ADD3: variants seen among roughly 807,000 people sequenced by gnomAD.
ADD3 encodes adducin 3.
Under a neutral mutation model 80.2 loss-of-function variants are expected in ADD3, and 25 were observed. The ratio of observed to expected loss-of-function variants is 0.31; its 90% CI spans 0.23 to 0.44. The LOEUF (loss-of-function observed/expected upper bound fraction) is 0.44, where lower values mean the gene tolerates loss of function less well. ADD3 is among the 20% of genes least tolerant of loss of function. ADD3 has a pLI of 1.00. For missense variants in ADD3, 829 were observed against 847.5 expected, an observed-to-expected ratio of 0.98 and a Z score of 0.27; for synonymous variants, 284 against 289.6, an observed-to-expected ratio of 0.98 and a Z score of 0.20.
chr10:109,999,301 A>C (rs933926073), intron 1 of ADD3, among the ~76,000 whole-genome samples: 1 of 152,192 alleles, frequency 6.6e-6, no homozygotes, highest in African/African-American at 2.4e-5. Flanking sequence ...GTGCATTCAT[A>C]ATGAGCTTGA....
At chr10:110,043,430 A>G (rs1448203438) in intron 1 of ADD3, among the ~76,000 whole-genome samples, 2 of 152,082 alleles carry the variant, frequency 1.3e-5, no homozygotes, top group African/African-American at 4.8e-5. Flanking sequence ...TCACTCACCT[A>G]TTTGCTGTTA....
chr10:110,049,941 G>A (rs1390300324), intron 1 of ADD3, among the ~76,000 whole-genome samples: 2 of 151,182 alleles, frequency 1.3e-5, no homozygotes, highest in African/African-American at 2.4e-5. Context: ...GGACTTACAT[G>A]GGGTCTGTAG....
chr10:110,064,933 C>T (rs895997834), intron 1 of ADD3, among the ~76,000 whole-genome samples: 3 of 152,140 alleles, frequency 2.0e-5, no homozygotes, highest in Admixed American at 6.5e-5. Context: ...TGGCACGCAC[C>T]TGTAGTCCTA....
At chr10:110,105,477 C>T (rs1209748949) in intron 2 of ADD3, among the ~76,000 whole-genome samples, 1 of 152,170 alleles carries the variant, frequency 6.6e-6, no homozygotes, top group African/African-American at 2.4e-5. Context: ...GCTAGGTGGG[C>T]TTTGAAACAT....
chr10:110,038,623 G>A (rs1018775735), intron 1 of ADD3, among the ~76,000 whole-genome samples: 1 of 152,142 alleles, frequency 6.6e-6, no homozygotes, highest in Non-Finnish European at 1.5e-5. Flanking sequence ...ACGTTGTCTT[G>A]ATGCACTGTT....
chr10:110,119,999 G>A (rs1851254369), intron 8 of ADD3, among the ~76,000 whole-genome samples: 1 of 152,064 alleles, frequency 6.6e-6, no homozygotes, highest in South Asian at 2.1e-4. Context: ...ATGATGAGAG[G>A]TTGGATATTT....
chr10:110,011,931 A>G (rs956256592), intron 1 of ADD3, among the ~76,000 whole-genome samples: 9 of 152,194 alleles, frequency 5.9e-5, no homozygotes, highest in African/African-American at 2.2e-4. Context: ...TTTTACTGTA[A>G]TTTTTTACTG....
At chr10:110,122,353 T>G in intron 9 of ADD3, 61 bp downstream of exon 9, 2 of 1,471,804 alleles carry the variant, frequency 1.4e-6, no homozygotes, top group South Asian at 1.3e-5. Flanking sequence ...GAGCAGATGC[T>G]TCCATTTTTG....
At chr10:110,042,004 C>T (rs545773886) in intron 1 of ADD3, among the ~76,000 whole-genome samples, 2 of 152,162 alleles carry the variant, frequency 1.3e-5, no homozygotes, top group South Asian at 2.1e-4. Context: ...TCTTGGGATC[C>T]GTGACCCTGT....
chr10:110,072,360 C>T (rs1034715920), intron 1 of ADD3, among the ~76,000 whole-genome samples: 2 of 152,190 alleles, frequency 1.3e-5, no homozygotes, highest in African/African-American at 4.8e-5. Context: ...CCACTGTGCC[C>T]GGCCACCATG....
intron 1 of ADD3, among the ~76,000 whole-genome samples, chr10:110,086,053 C>T (rs1020068746): frequency 6.6e-6 from 1 of 151,948 alleles, no homozygotes; most frequent in Non-Finnish European, 1.5e-5. Context: ...TGCAGTAAGC[C>T]GAGATCATGC....
intron 1 of ADD3, among the ~76,000 whole-genome samples, chr10:110,067,280 C>T (rs1844071727): frequency 6.6e-6 from 1 of 152,100 alleles, no homozygotes; most frequent in African/African-American, 2.4e-5. Context: ...TGGAAGAAAG[C>T]CTTTCTAAAA....
rs138995855 is a variant in ADD3 at position 110,060,461 on chromosome 10, C to T, written c.-29-40164C>T. Among the ~76,000 whole-genome samples, 655 of 152,284 alleles carry T rather than the reference C, an allele frequency of 4.3e-3. 5 individuals are homozygous for T. Among genetic ancestry groups the T allele is most frequent in the Non-Finnish European group, 8.0e-3 (541 of 68,014 alleles). On this transcript the variant is annotated intron_variant, in intron 1 of 14. Coordinates refer to ENST00000356080, the MANE Select transcript of ADD3 (RefSeq NM_016824.5). ...CCCAAAAGCACTTGGATATTTTAGCCTAGTGCTATAATTGAAGCAGTTGTC... is the reference window on the plus strand; with the variant it reads ...CCCAAAAGCACTTGGATATTTTAGCTTAGTGCTATAATTGAAGCAGTTGTC...
chr10:110,054,418 T>C (rs1028986956), intron 1 of ADD3, among the ~76,000 whole-genome samples: 8 of 150,224 alleles, frequency 5.3e-5, no homozygotes, highest in African/African-American at 2.0e-4. Flanking sequence ...CTGCAAGATC[T>C]TGGGAGAAAG....
intron 1 of ADD3, among the ~76,000 whole-genome samples, chr10:110,085,791 G>C (rs1590052943): frequency 1.3e-5 from 2 of 152,128 alleles, no homozygotes; most frequent in Admixed American, 1.3e-4. Context: ...TGAGTGGAGT[G>C]GCTCAGAATT....
chr10:110,036,076 G>A (rs889428874), intron 1 of ADD3, among the ~76,000 whole-genome samples: 2 of 151,974 alleles, frequency 1.3e-5, no homozygotes, highest in Admixed American at 1.3e-4. Flanking sequence ...GCTTGAACTC[G>A]GGAGGCGGGG....
chr10:109,999,809 A>T (rs1851450192), intron 1 of ADD3, among the ~76,000 whole-genome samples: 1 of 151,990 alleles, frequency 6.6e-6, no homozygotes, highest in Non-Finnish European at 1.5e-5. Context: ...ATTTCCTAGG[A>T]GCTTTACATT....
At chr10:110,110,852 G>A (rs551321715) in intron 2 of ADD3, among the ~76,000 whole-genome samples, 2 of 152,056 alleles carry the variant, frequency 1.3e-5, no homozygotes, top group East Asian at 1.9e-4. Flanking sequence ...AAAATTAGCC[G>A]GGCATGGTTG....
intron 1 of ADD3, among the ~76,000 whole-genome samples, chr10:110,090,293 C>G (rs777285464): frequency 6.8e-6 from 1 of 147,462 alleles, no homozygotes; most frequent in Non-Finnish European, 1.5e-5. Flanking sequence ...GATCTCAGCT[C>G]ACTGCAACCT....
Sources: gnomAD v4.1 joint callset for allele counts (sites outside exome capture counted in the v4.1 genomes callset) on GRCh38, gnomAD v4.1.1 for gene constraint, MANE v1.5 for transcripts, NCBI Gene and HGNC (gene_info 2026-07-23, HGNC 2026-07-21) for gene names.